SFMBT1: variants seen among roughly 807,000 people sequenced by gnomAD.
The protein encoded by SFMBT1 is scm-like with four MBT domains protein 1.
SFMBT1 carries 32 observed loss-of-function variants against 108.7 expected under a neutral mutation model. The observed-to-expected ratio is 0.29, with a 90% CI of 0.22 to 0.40. The LOEUF is 0.40. Ranked by LOEUF, SFMBT1 falls within the 10% of genes least tolerant of loss-of-function variation. The pLI is 1.00. For missense variants in SFMBT1, 816 were observed against 1,059.6 expected (o/e 0.77, Z 3.19); for synonymous variants, 348 against 369.5 (o/e 0.94, Z 0.67).
intron 1 of SFMBT1, among the ~76,000 whole-genome samples, chr3:53,014,261 C>T (rs189897319): frequency 5.9e-5 from 9 of 152,252 alleles, no homozygotes; most frequent in Non-Finnish European, 8.8e-5. Flanking sequence ...TTAGGCATTT[C>T]ACTGAATGTC....
intron 3 of SFMBT1, among the ~76,000 whole-genome samples, chr3:52,949,515 G>T (rs546395878): frequency 2.7e-5 from 4 of 150,458 alleles, no homozygotes; most frequent in African/African-American, 9.8e-5. Flanking sequence ...ACATTTTAAG[G>T]ACTGTTACGT....
chr3:52,972,108 A>C (rs1269393825), intron 1 of SFMBT1, among the ~76,000 whole-genome samples: 1 of 152,234 alleles, frequency 6.6e-6, no homozygotes, highest in Non-Finnish European at 1.5e-5. Context: ...GTCAGTGCTA[A>C]ATAAATATCT....
intron 2 of SFMBT1, among the ~76,000 whole-genome samples, chr3:52,963,009 T>G (rs1704016259): frequency 6.9e-6 from 1 of 144,058 alleles, no homozygotes; most frequent in Non-Finnish European, 1.5e-5. Flanking sequence ...TTATTTTATT[T>G]TTGAGATGGA....
intron 1 of SFMBT1, among the ~76,000 whole-genome samples, chr3:53,042,872 C>A (rs917532374): frequency 9.9e-5 from 15 of 152,234 alleles, no homozygotes; most frequent in African/African-American, 3.4e-4. Context: ...ACTCTCTTGG[C>A]TAATGAGGCT....
chr3:52,972,673 C>T (rs1206994946), intron 1 of SFMBT1, among the ~76,000 whole-genome samples: 7 of 150,434 alleles, frequency 4.7e-5, no homozygotes, highest in Non-Finnish European at 1.0e-4. Context: ...TTTGAGAGGC[C>T]GAGGCAGGTG....
intron 5 of SFMBT1, among the ~76,000 whole-genome samples, chr3:52,932,742 C>G (rs935847444): frequency 6.6e-6 from 1 of 152,048 alleles, no homozygotes; most frequent in Non-Finnish European, 1.5e-5. Context: ...GAAACCCCGT[C>G]TCTACTAAAA....
At position 52,905,113 on chromosome 3, in the gene SFMBT1, C is replaced by T. The variant is rs576864326; in HGVS notation, c.*23G>A. The T allele has an allele frequency of 6.2e-7, 1 of 1,611,846 alleles. No individual in the cohort carries two copies. The highest frequency in any genetic ancestry group is 1.7e-5 in the Admixed American group (1 of 59,816). On this transcript the variant is annotated 3_prime_UTR_variant, in exon 21 of 21. Coordinates refer to ENST00000394752, the MANE Select transcript of SFMBT1 (RefSeq NM_016329.4). ...TTTGCTGCATTTGTGCTTCAAAGATCCAGCTCACTTTGGTTGTCCTTCTCA... is the reference window on the plus strand; with the variant it reads ...TTTGCTGCATTTGTGCTTCAAAGATTCAGCTCACTTTGGTTGTCCTTCTCA...
chr3:52,918,659 GTATA>G (rs10633605), intron 12 of SFMBT1, 133 bp from the exon 13 acceptor site: 3 of 383,288 alleles, frequency 7.8e-6, no homozygotes, highest in Non-Finnish European at 4.6e-6. Context: ...ATGTGTGTGT[GTATA>G]TATATATATA....
intron 1 of SFMBT1, among the ~76,000 whole-genome samples, chr3:53,000,653 G>A (rs1393152793): frequency 6.7e-6 from 1 of 149,932 alleles, no homozygotes; most frequent in East Asian, 1.9e-4. Flanking sequence ...AAGACAAAGT[G>A]AGAACTCAGC....
chr3:53,019,333 T>C (rs957316811), intron 1 of SFMBT1, among the ~76,000 whole-genome samples: 1 of 149,720 alleles, frequency 6.7e-6, no homozygotes, highest in Non-Finnish European at 1.5e-5. Context: ...CATGTGCATG[T>C]GTGTGTGTGA....
intron 1 of SFMBT1, among the ~76,000 whole-genome samples, chr3:53,031,015 C>A (rs72965361): frequency 2.0e-5 from 3 of 152,072 alleles, no homozygotes; most frequent in African/African-American, 7.3e-5. Context: ...AAGCATGATG[C>A]GGGGCAGGGG....
At chr3:52,976,385 G>C (rs1704520461) in intron 1 of SFMBT1, among the ~76,000 whole-genome samples, 1 of 152,148 alleles carries the variant, frequency 6.6e-6, no homozygotes, top group Admixed American at 6.5e-5. Context: ...ATAAAATCGT[G>C]AAAGGATACA....
intron 1 of SFMBT1, among the ~76,000 whole-genome samples, chr3:52,989,232 G>A (rs1705033286): frequency 1.3e-5 from 2 of 151,926 alleles, no homozygotes; most frequent in South Asian, 4.1e-4. Flanking sequence ...CCACTTTACA[G>A]TGCTTAGTAC....
chr3:53,031,016 G>A (rs935957840), intron 1 of SFMBT1, among the ~76,000 whole-genome samples: 5 of 152,134 alleles, frequency 3.3e-5, no homozygotes, highest in South Asian at 2.1e-4. Context: ...AGCATGATGC[G>A]GGGCAGGGGC....
intron 1 of SFMBT1, among the ~76,000 whole-genome samples, chr3:53,031,973 A>T (rs2106959346): frequency 6.6e-6 from 1 of 152,354 alleles, no homozygotes; most frequent in South Asian, 2.1e-4. Flanking sequence ...TAAGAAAATC[A>T]ATGGTGAGAA....
chr3:52,914,465 GC>G (rs1227209306), intron 14 of SFMBT1, among the ~76,000 whole-genome samples: 1 of 152,176 alleles, frequency 6.6e-6, no homozygotes, highest in Non-Finnish European at 1.5e-5. Flanking sequence ...TGTGGCTCAT[GC>G]CCGTAATCCC....
chr3:53,014,999 G>A (rs1048606609), intron 1 of SFMBT1, among the ~76,000 whole-genome samples: 8 of 152,136 alleles, frequency 5.3e-5, no homozygotes, highest in East Asian at 1.9e-4. Context: ...ACAGCAGATC[G>A]CTTGAGCCCA....
At chr3:52,947,308 C>T (rs1175253011) in intron 3 of SFMBT1, among the ~76,000 whole-genome samples, 5 of 151,170 alleles carry the variant, frequency 3.3e-5, no homozygotes, top group African/African-American at 4.9e-5. Flanking sequence ...TAGTAGAGAC[C>T]GGGTTTCACC....
intron 1 of SFMBT1, among the ~76,000 whole-genome samples, chr3:53,005,835 C>T (rs1460985364): frequency 6.6e-6 from 1 of 152,092 alleles, no homozygotes; most frequent in East Asian, 1.9e-4. Context: ...ACACCTCAGC[C>T]AATTGTAAGA....
Sources: gnomAD v4.1 joint callset for allele counts (sites outside exome capture counted in the v4.1 genomes callset) on GRCh38, gnomAD v4.1.1 for gene constraint, MANE v1.5 for transcripts, NCBI Gene and HGNC (gene_info 2026-07-23, HGNC 2026-07-21) for gene names.